WDR7: variants seen among roughly 807,000 people sequenced by gnomAD.
WDR7 encodes WD repeat-containing protein 7.
Under a neutral mutation model 169.4 loss-of-function variants are expected in WDR7, and 46 were observed. The ratio of observed to expected loss-of-function variants is 0.27; its 90% CI spans 0.21 to 0.35. The LOEUF (loss-of-function observed/expected upper bound fraction) is 0.35. WDR7 is among the 10% of genes least tolerant of loss of function. WDR7 has a pLI of 1.00. For missense variants in WDR7, 1,534 were observed against 1,859.3 expected, an observed-to-expected ratio of 0.83 and a Z score of 3.22; for synonymous variants, 612 against 666.8, an observed-to-expected ratio of 0.92 and a Z score of 1.27.
chr18:56,754,277 GTGTGTGTGTATA>G (rs1599017511), intron 14 of WDR7, among the ~76,000 whole-genome samples: 1 of 141,952 alleles, frequency 7.0e-6, no homozygotes, highest in African/African-American at 2.7e-5. Context: ...GTGTGTGTGT[GTGTGTGTGTATA>G]TGTGTGTGTG....
At chr18:56,837,454 A>C (rs1032480964) in intron 20 of WDR7, among the ~76,000 whole-genome samples, 1 of 152,216 alleles carries the variant, frequency 6.6e-6, no homozygotes, top group Non-Finnish European at 1.5e-5. Context: ...TGCTATTGTA[A>C]AATTTTAAAC....
At chr18:56,882,250 T>C (rs1474950532) in intron 21 of WDR7, among the ~76,000 whole-genome samples, 1 of 152,254 alleles carries the variant, frequency 6.6e-6, no homozygotes. Context: ...GGACTTAACA[T>C]ATGTAGAGCA....
chr18:56,770,589 T>G (rs1027034245), intron 16 of WDR7, among the ~76,000 whole-genome samples: 4 of 152,232 alleles, frequency 2.6e-5, no homozygotes, highest in Non-Finnish European at 5.9e-5. Flanking sequence ...ATTGCACTTC[T>G]GATATAATCC....
At chr18:56,803,672 CA>C (rs1273580100) in intron 19 of WDR7, among the ~76,000 whole-genome samples, 2 of 152,012 alleles carry the variant, frequency 1.3e-5, no homozygotes, top group Non-Finnish European at 2.9e-5. Flanking sequence ...TAACAATAAG[CA>C]AAAATTGATA....
chr18:56,886,403 G>T (rs2046195512), intron 21 of WDR7, among the ~76,000 whole-genome samples: 1 of 152,054 alleles, frequency 6.6e-6, no homozygotes, highest in Admixed American at 6.6e-5. Flanking sequence ...ATGAAGGAAA[G>T]ATAAAGTCTT....
At chr18:56,722,668 C>T (rs573444379) in intron 13 of WDR7, among the ~76,000 whole-genome samples, 19 of 152,262 alleles carry the variant, frequency 1.2e-4, no homozygotes, top group African/African-American at 4.3e-4. Context: ...TTACCTACCT[C>T]TGTAGTTACC....
intron 26 of WDR7, among the ~76,000 whole-genome samples, chr18:57,011,305 C>T (rs1017961991): frequency 6.7e-6 from 1 of 150,370 alleles, no homozygotes; most frequent in African/African-American, 2.5e-5. Context: ...AGTTTGTCCT[C>T]GAATGACATA....
chr18:56,672,621 A>C lies in WDR7; in HGVS notation c.106A>C (p.Thr36Pro). Residue 36 changes from threonine to proline, a missense_variant, in exon 2 of 28, where the codon ACA becomes CCA. Transcript: ENST00000254442. The stretch of plus-strand genomic sequence containing the variant: ...AACAGATGATGGGGCCACGATCGTA[A>C]CAGGATGTCACGACGGACAAATATG... ...LLTDDGATIV[T>P]GCHDGQICLW... The C allele has an allele frequency of 6.2e-7, 1 of 1,613,208 alleles. No individual in the cohort carries two copies. The highest frequency in any genetic ancestry group is 1.1e-5 in the South Asian group (1 of 90,952).
At chr18:57,017,437 TGTG>T (rs1468055225) in intron 26 of WDR7, among the ~76,000 whole-genome samples, 2 of 148,608 alleles carry the variant, frequency 1.3e-5, no homozygotes, top group African/African-American at 5.0e-5. Flanking sequence ...TGTGTGTGTG[TGTG>T]TGTGCATGTG....
intron 7 of WDR7, among the ~76,000 whole-genome samples, chr18:56,688,361 T>A (rs1008952309): frequency 2.0e-5 from 3 of 152,130 alleles, no homozygotes; most frequent in Admixed American, 1.3e-4. Context: ...AGCTGCTGCT[T>A]GCTTAGAGTA....
chr18:56,994,558 T>C (rs956419715), intron 26 of WDR7, among the ~76,000 whole-genome samples: 1 of 152,224 alleles, frequency 6.6e-6, no homozygotes, highest in African/African-American at 2.4e-5. Flanking sequence ...GTGTGTTTTC[T>C]CTCCTAAAGT....
chr18:56,674,534 T>C (rs1348772158), intron 2 of WDR7, among the ~76,000 whole-genome samples: 1 of 152,188 alleles, frequency 6.6e-6, no homozygotes, highest in Non-Finnish European at 1.5e-5. Flanking sequence ...TTTTTATTAT[T>C]GAATCGTAAA....
At chr18:56,777,985 T>C (rs1242440602) in intron 17 of WDR7, among the ~76,000 whole-genome samples, 1 of 152,214 alleles carries the variant, frequency 6.6e-6, no homozygotes, top group Non-Finnish European at 1.5e-5. Flanking sequence ...AATCACCATA[T>C]GTTAAAATTT....
chr18:56,755,840 G>A (rs1328247546), intron 14 of WDR7, among the ~76,000 whole-genome samples: 1 of 152,172 alleles, frequency 6.6e-6, no homozygotes, highest in African/African-American at 2.4e-5. Flanking sequence ...CAGGATGCTG[G>A]AGAGGTGGCT....
chr18:56,756,512 ATTGT>A (rs1298443705), intron 14 of WDR7, 67 bp from the exon 15 acceptor site: 6 of 1,262,340 alleles, frequency 4.8e-6, no homozygotes, highest in Admixed American at 2.7e-5. Flanking sequence ...CTGATTATTT[ATTGT>A]TTATTAATGA....
At chr18:56,698,991 A>G (rs2025766259) in intron 12 of WDR7, among the ~76,000 whole-genome samples, 1 of 152,226 alleles carries the variant, frequency 6.6e-6, no homozygotes, top group African/African-American at 2.4e-5. Context: ...ATTTACCTGT[A>G]TAACAAACCT....
intron 27 of WDR7, 115 bp from the exon 28 acceptor site, chr18:57,026,889 G>A: frequency 2.8e-6 from 3 of 1,080,432 alleles, no homozygotes; most frequent in Non-Finnish European, 4.0e-6. Context: ...AAGCTTAGGT[G>A]AAGGAGAATA....
chr18:56,727,326 G>A (rs1316327557), intron 13 of WDR7, among the ~76,000 whole-genome samples: 1 of 151,138 alleles, frequency 6.6e-6, no homozygotes, highest in Non-Finnish European at 1.5e-5. Flanking sequence ...TTTAAAAACA[G>A]GTTTAGTTGG....
chr18:56,822,842 A>G (rs1159927105), intron 20 of WDR7, among the ~76,000 whole-genome samples: 1 of 152,216 alleles, frequency 6.6e-6, no homozygotes, highest in Admixed American at 6.5e-5. Flanking sequence ...GAAAACAGAT[A>G]TTAAGAAAAA....
Sources: allele counts gnomAD v4.1 joint callset (sites outside exome capture counted in the v4.1 genomes callset), GRCh38; gene constraint gnomAD v4.1.1; transcripts MANE v1.5; gene names NCBI Gene and HGNC (gene_info 2026-07-23, HGNC 2026-07-21).